BAZ1B: variants seen among roughly 807,000 people sequenced by gnomAD.
BAZ1B encodes tyrosine-protein kinase BAZ1B.
BAZ1B carries 22 observed loss-of-function variants against 153.8 expected under a neutral mutation model. The observed-to-expected ratio is 0.14, with a 90% confidence interval of 0.10 to 0.20. The LOEUF is 0.20. Ranked by LOEUF, BAZ1B falls within the 10% of genes least tolerant of loss-of-function variation. The pLI is 1.00. For synonymous variants in BAZ1B, 676 were observed against 633.4 expected, an observed-to-expected ratio of 1.07 and a Z score of -1.01; for missense variants, 1,325 against 1,799.3, an observed-to-expected ratio of 0.74 and a Z score of 4.77.
At position 73,444,085 on chromosome 7, in the gene BAZ1B, G is replaced by C. The variant is rs1030357642; in HGVS notation, c.3889C>G (p.Pro1297Ala). The C allele has an allele frequency of 4.3e-6, 7 of 1,612,728 alleles. No homozygotes were observed. Among genetic ancestry groups the C allele is most frequent in the Admixed American group, 1.7e-5 (1 of 59,682 alleles). The change falls in exon 17 of 20, where the codon CCT (proline) becomes GCT (alanine). Residue 1297 changes from proline (P) to alanine (A), a missense_variant. This residue lies in a region of BAZ1B where 271 missense variants were observed against 337.2 expected (regional missense o/e 0.80). Coordinates refer to ENST00000339594, the MANE Select transcript of BAZ1B (RefSeq NM_032408.4). ...TIRGKHSVIPPAARSGRRPGK... is the reference protein window; with the variant it reads ...TIRGKHSVIPAAARSGRRPGK... ...GGGCGCCGGCCTGACCTTGCTGCAG[G>C]GGGGATGACGCTGTGCTTGCCCCGG...
At chr7:73,509,797 T>C (rs1790501685) in intron 2 of BAZ1B, among the ~76,000 whole-genome samples, 1 of 151,308 alleles carries the variant, frequency 6.6e-6, no homozygotes, top group Non-Finnish European at 1.5e-5. Flanking sequence ...TTAACACTTT[T>C]CACTTATTAA....
At chr7:73,449,427 C>T in intron 15 of BAZ1B, 115 bp downstream of exon 15, 1 of 1,282,040 alleles carries the variant, frequency 7.8e-7, no homozygotes, top group Non-Finnish European at 1.0e-6. Context: ...AGGCTCTGTA[C>T]CCAAAAGATG....
rs1583970702 is a variant in BAZ1B, at chr7:73,522,278, G to C, written c.-345C>G. On this transcript the variant is annotated 5_prime_UTR_variant, in exon 1 of 20. Coordinates refer to ENST00000339594, the MANE Select transcript of BAZ1B (RefSeq NM_032408.4). ...GAGATTCCCCTCCTCCCCCGGGCCC[G>C]GCCAACGCACACACTAACTTGCTCC... 2.7e-6 allele frequency: 1 copy of C among 374,598 alleles called. No homozygotes were observed. The highest frequency in any genetic ancestry group is 4.7e-6 in the Non-Finnish European group (1 of 210,886). The allele number at this position is 374,598 out of a possible 1,614,324, so 23.2% of individuals were successfully genotyped here.
chr7:73,465,568 GAAA>G (rs60386137), intron 10 of BAZ1B, 31 bp from the exon 11 acceptor site: 65 of 979,814 alleles, frequency 6.6e-5, no homozygotes, highest in Admixed American at 1.1e-4. Flanking sequence ...TGATAACTCT[GAAA>G]AAAAAAAAAA....
chr7:73,455,066 T>A (rs1258561883), intron 13 of BAZ1B, among the ~76,000 whole-genome samples: 2 of 151,876 alleles, frequency 1.3e-5, no homozygotes, highest in African/African-American at 2.4e-5. Flanking sequence ...TTTTTTTTTT[T>A]AGAAGAGACC....
chr7:73,466,097 C>T (rs928013358), intron 10 of BAZ1B, among the ~76,000 whole-genome samples, 199 bp downstream of exon 10: 1 of 152,004 alleles, frequency 6.6e-6, no homozygotes, highest in African/African-American at 2.4e-5. Context: ...AATCAAAATT[C>T]CAACCCTTAA....
intron 3 of BAZ1B, among the ~76,000 whole-genome samples, chr7:73,499,919 C>A (rs1355404231): frequency 6.6e-6 from 1 of 152,102 alleles, no homozygotes; most frequent in Non-Finnish European, 1.5e-5. Context: ...GTGTTTCTCT[C>A]TTATACACAG....
chr7:73,474,161 C>T (rs1202183198), intron 7 of BAZ1B, among the ~76,000 whole-genome samples: 12 of 151,872 alleles, frequency 7.9e-5, no homozygotes, highest in African/African-American at 2.7e-4. Context: ...TTTTGACAAG[C>T]GTATCAAGGC....
At chr7:73,472,509 C>A (rs1788844204) in intron 7 of BAZ1B, among the ~76,000 whole-genome samples, 1 of 152,218 alleles carries the variant, frequency 6.6e-6, no homozygotes, top group African/African-American at 2.4e-5. Context: ...CCGCCCACCT[C>A]AGCCTCCCCA....
intron 4 of BAZ1B, among the ~76,000 whole-genome samples, chr7:73,496,252 AAAG>A (rs1789885884): frequency 6.6e-6 from 1 of 152,226 alleles, no homozygotes; most frequent in African/African-American, 2.4e-5. Context: ...TCAGTATCAA[AAAG>A]AAGAGGGAAA....
chr7:73,470,026 A>C (rs565831722), intron 8 of BAZ1B, among the ~76,000 whole-genome samples: 20 of 152,244 alleles, frequency 1.3e-4, no homozygotes, highest in East Asian at 7.7e-4. Context: ...GTAACTACTA[A>C]TATTTCTCCT....
At chr7:73,479,686 A>C (rs1328249399) in intron 6 of BAZ1B, among the ~76,000 whole-genome samples, 1 of 151,950 alleles carries the variant, frequency 6.6e-6, no homozygotes, top group African/African-American at 2.4e-5. Context: ...CCTAACCCCC[A>C]TGTCTTGCTT....
Position 73,477,831 on chromosome 7 carries a change from T to C in BAZ1B, c.1630A>G (p.Lys544Glu). ...TCCCGTTTCTTTTTCAAATATTCTTTCCGTTGTTCTTCAGACATAGAAGCC... is the reference window on the plus strand; with the variant it reads ...TCCCGTTTCTTTTTCAAATATTCTTCCCGTTGTTCTTCAGACATAGAAGCC... ...RWASMSEEQR[K>E]EYLKKKREEL... Residue 544 changes from lysine to glutamate, a missense_variant, in exon 7 of 20, where the codon AAA (lysine) becomes GAA (glutamate). Physicochemically the swap from Lys to Glu is moderately conservative, Grantham distance 56. Coordinates refer to ENST00000339594, the MANE Select transcript of BAZ1B (RefSeq NM_032408.4). The surrounding 1 kb of genome is among the most constrained non-coding windows in gnomAD (Gnocchi z 5.6). 1 of 1,613,958 alleles carries C rather than the reference T, an allele frequency of 6.2e-7. No homozygotes were observed. Among genetic ancestry groups the C allele is most frequent in the Non-Finnish European group, 8.5e-7 (1 of 1,180,014 alleles).
At chr7:73,445,243 AACACT>A (rs1471018999) in intron 16 of BAZ1B, among the ~76,000 whole-genome samples, 8 of 152,134 alleles carry the variant, frequency 5.3e-5, no homozygotes, top group African/African-American at 1.7e-4. Flanking sequence ...ATAATCCAGA[AACACT>A]ACTTTCCATT....
At chr7:73,473,954 G>C (rs1788907536) in intron 7 of BAZ1B, among the ~76,000 whole-genome samples, 1 of 152,292 alleles carries the variant, frequency 6.6e-6, no homozygotes, top group African/African-American at 2.4e-5. Flanking sequence ...GACAGAATGA[G>C]ACCTTGTCTC....
intron 19 of BAZ1B, 45 bp downstream of exon 19, chr7:73,442,136 T>TGCCCAAC: frequency 1.7e-6 from 1 of 573,492 alleles, no homozygotes; most frequent in Non-Finnish European, 3.2e-6. Context: ...CTCGCTCGCC[T>TGCCCAAC]CCCTCCCACC....
intron 1 of BAZ1B, 51 bp downstream of exon 1, chr7:73,521,776 T>A: frequency 2.8e-6 from 4 of 1,420,678 alleles, no homozygotes; most frequent in Non-Finnish European, 3.8e-6. Flanking sequence ...CCCCAGGCCC[T>A]ACCCCGGCCC....
chr7:73,477,863 T>G lies in BAZ1B; in HGVS notation c.1598A>C (p.Lys533Thr). The G allele has an allele frequency of 6.2e-7, 1 of 1,613,966 alleles. No individual in the cohort carries two copies. Among genetic ancestry groups the G allele is most frequent in the Middle Eastern group, 1.6e-4 (1 of 6,062 alleles). Residue 533 changes from lysine (K) to threonine (T), a missense_variant, in exon 7 of 20, where the codon AAG (lysine) becomes ACG (threonine). Transcript: ENST00000339594. The surrounding 1 kb of genome is among the most constrained non-coding windows in gnomAD (Gnocchi z 5.6). ...TTCTTCAGACATAGAAGCCCACCTC[T>G]TTTTGTGCTCTAGAAGTTCATAGCG... ...QKRYELLEHK[K>T]RWASMSEEQR...
intron 11 of BAZ1B, among the ~76,000 whole-genome samples, chr7:73,463,437 G>C (rs1423973140): frequency 6.6e-6 from 1 of 151,638 alleles, no homozygotes; most frequent in African/African-American, 2.4e-5. Context: ...ATGGGGTCTT[G>C]CTATGTTGCC....
Sources: allele counts gnomAD v4.1 joint callset (sites outside exome capture counted in the v4.1 genomes callset), GRCh38; gene constraint gnomAD v4.1.1; regional missense constraint gnomAD v4.1.1; non-coding constraint Gnocchi (gnomAD v3.1); transcripts MANE v1.5; gene names NCBI Gene and HGNC (gene_info 2026-07-23, HGNC 2026-07-21).